KIF15: variants seen among roughly 807,000 people sequenced by gnomAD.
KIF15 encodes the protein kinesin-like protein KIF15.
A neutral mutation model predicts 190.6 loss-of-function variants in KIF15; 140 were observed. That is an observed-to-expected ratio of 0.73 (90% CI 0.64 to 0.84). KIF15 has a LOEUF of 0.84. Among genes scored for constraint, KIF15 ranks in the 40% least tolerant of loss-of-function variants. The probability of loss-of-function intolerance (pLI) is 0.00; values close to 1 mark genes in which losing one functional copy is unlikely to be tolerated. For missense variants in KIF15, 1,372 were observed against 1,584.4 expected, an observed-to-expected ratio of 0.87 and a Z score of 2.28; for synonymous variants, 528 against 551.3, an observed-to-expected ratio of 0.96 and a Z score of 0.59.
Position 44,794,276 on chromosome 3 carries a change from G to A in KIF15, c.699G>A (p.Ser233=), listed in dbSNP as rs200877926. ...RVASTSMNRE[S]SRSHAVFTIT... ...CATCAACATCAATGAACAGAGAATC[G>A]TCTAGGTCTCATGCCGTCTTTACAA... Residue 233 remains serine, a synonymous_variant, in exon 8 of 35, where the codon TCG becomes TCA. Transcript: ENST00000326047. The A allele has an allele frequency of 5.3e-5, 85 of 1,614,090 alleles. No individual in the cohort carries two copies. Among genetic ancestry groups the A allele is most frequent in the East Asian group, 1.6e-4 (7 of 44,876 alleles).
intron 26 of KIF15, among the ~76,000 whole-genome samples, chr3:44,836,290 A>C (rs1256152308): frequency 6.6e-6 from 1 of 152,144 alleles, no homozygotes; most frequent in Non-Finnish European, 1.5e-5. Context: ...TGGGAGGTGG[A>C]GGTTACAGTT....
intron 7 of KIF15, among the ~76,000 whole-genome samples, chr3:44,791,892 A>AT (rs375878737): frequency 6.6e-6 from 1 of 151,694 alleles, no homozygotes; most frequent in Non-Finnish European, 1.5e-5. Flanking sequence ...TAAATTTTGT[A>AT]TTTTTTAGTA....
intron 1 of KIF15, among the ~76,000 whole-genome samples, chr3:44,763,460 C>T (rs1266684537): frequency 6.6e-6 from 1 of 152,018 alleles, no homozygotes; most frequent in Non-Finnish European, 1.5e-5. Context: ...CGCCACCATG[C>T]CCAGCTAATT....
At chr3:44,845,460 C>A (rs1698803932) in intron 30 of KIF15, among the ~76,000 whole-genome samples, 2 of 151,808 alleles carry the variant, frequency 1.3e-5, no homozygotes, top group South Asian at 4.2e-4. Flanking sequence ...AACCAATCTT[C>A]AATCAATTTT....
chr3:44,832,127 A>G (rs1698102024), intron 26 of KIF15, among the ~76,000 whole-genome samples: 1 of 152,184 alleles, frequency 6.6e-6, no homozygotes, highest in South Asian at 2.1e-4. Flanking sequence ...GCCAGGGGAA[A>G]TTCTAAAGAC....
At position 44,812,269 on chromosome 3, in the gene KIF15, C is replaced by T; in HGVS notation, c.2257C>T (p.His753Tyr). Residue 753 changes from histidine (H) to tyrosine (Y), a missense_variant, in exon 18 of 35, where the codon CAT becomes TAT. Coordinates refer to ENST00000326047, the MANE Select transcript of KIF15 (RefSeq NM_020242.3). The stretch of plus-strand genomic sequence containing the variant: ...GCAGCATGTTGACAAACTGGAACAT[C>T]ATTCTACCCAAATGCAGGAGGTGAG... ...LQQHVDKLEH[H>Y]STQMQELFSS... The T allele has an allele frequency of 4.3e-6, 7 of 1,613,706 alleles. No individual in the cohort carries two copies. Among genetic ancestry groups the T allele is most frequent in the Non-Finnish European group, 5.1e-6 (6 of 1,179,684 alleles).
chr3:44,826,026 T>G lies in KIF15; in HGVS notation c.2550-13T>G. On this transcript the variant is annotated splice_polypyrimidine_tract_variant and intron_variant, in intron 20 of 34. Coordinates refer to ENST00000326047, the MANE Select transcript of KIF15 (RefSeq NM_020242.3). Reference sequence around the variant, plus strand: ...TGTTTATTTACCATTTTTAAAATGTTTTCCTTATAAAGGTTAGAAAACGAA... The same window carrying G: ...TGTTTATTTACCATTTTTAAAATGTGTTCCTTATAAAGGTTAGAAAACGAA... 6.4e-7 allele frequency: 1 copy of G among 1,570,896 alleles called. No homozygotes were observed.
chr3:44,789,642 T>TTATATATATA (rs56009369), intron 7 of KIF15, among the ~76,000 whole-genome samples: 267 of 113,434 alleles, frequency 2.4e-3, no homozygotes, highest in Non-Finnish European at 3.6e-3. Flanking sequence ...TTGTCTAATT[T>TTATATATATA]TATATATATA....
At chr3:44,784,729 G>A in intron 5 of KIF15, 116 bp from the exon 6 acceptor site, 1 of 637,938 alleles carries the variant, frequency 1.6e-6, no homozygotes, top group Non-Finnish European at 2.7e-6. Context: ...AACTTGCTTG[G>A]AGCACAAGTA....
At chr3:44,797,501 A>C (rs765197486) in intron 8 of KIF15, 50 bp from the exon 9 acceptor site, 4 of 1,591,720 alleles carry the variant, frequency 2.5e-6, no homozygotes, top group Non-Finnish European at 3.4e-6. Context: ...CAAAATACCA[A>C]AGAGTAACCA....
chr3:44,857,354 A>C (rs1699199496), downstream of KIF15, among the ~76,000 whole-genome samples: 1 of 152,260 alleles, frequency 6.6e-6, no homozygotes, highest in African/African-American at 2.4e-5. Context: ...TGTGATTTTT[A>C]GGGCCTCTAA....
chr3:44,813,122 T>G lies in KIF15; in HGVS notation c.2325T>G (p.Leu775=), dbSNP rs76971569. The G allele has an allele frequency of 7.8e-3, 12,409 of 1,597,534 alleles. 89 individuals are homozygous for G. The highest frequency in any genetic ancestry group is 0.03 in the Middle Eastern group (181 of 6,030). Residue 775 remains leucine, a synonymous_variant, in exon 19 of 35, where the codon CTT becomes CTG. Transcript: ENST00000326047. Reference sequence around the variant, plus strand: ...ATTGGACCAAACAGCAGGAAGAGCTTCTCTCACAGTTGAATGTCCTTGAAA... The same window carrying G: ...ATTGGACCAAACAGCAGGAAGAGCTGCTCTCACAGTTGAATGTCCTTGAAA... The part of the protein sequence containing the change: ...RIDWTKQQEE[L]LSQLNVLEKQ...
At chr3:44,769,305 G>A (rs1376848519) in intron 1 of KIF15, among the ~76,000 whole-genome samples, 2 of 152,194 alleles carry the variant, frequency 1.3e-5, no homozygotes, top group African/African-American at 4.8e-5. Flanking sequence ...AGAAAGAGGG[G>A]AGCAGGTGTC....
Position 44,852,722 on chromosome 3 carries a change from G to T in KIF15, c.4154G>T (p.Arg1385Ile), listed in dbSNP as rs774373814. Residue 1385 changes from arginine (R) to isoleucine (I), a missense_variant, in exon 35 of 35, where the codon AGA (arginine) becomes ATA (isoleucine). Physicochemically the swap from Arg to Ile is moderately conservative, Grantham distance 97. Transcript: ENST00000326047. ...AENVFLKEKK[R>I]SES is the part of the protein sequence containing the mutation. ...AATGTATTTTTAAAAGAAAAGAAAA[G>T]AAGTGAATCTTGAGGATTCCGGTCA... is the stretch of plus-strand genomic sequence containing the variant. 6.2e-7 allele frequency: 1 copy of T among 1,600,692 alleles called. No individual in the cohort carries two copies. The highest frequency in any genetic ancestry group is 1.4e-5 in the African/African-American group (1 of 74,016).
intron 26 of KIF15, among the ~76,000 whole-genome samples, chr3:44,832,497 T>G (rs572974574): frequency 2.6e-5 from 4 of 151,956 alleles, no homozygotes; most frequent in Non-Finnish European, 4.4e-5. Flanking sequence ...GCAGTCAGAG[T>G]GGGCACCAAG....
rs1213108216 is a variant in KIF15 at position 44,827,602 on chromosome 3, A to G, written c.2856+74A>G. On this transcript the variant is annotated intron_variant, in intron 23 of 34. Coordinates refer to ENST00000326047, the MANE Select transcript of KIF15 (RefSeq NM_020242.3). ...ATTCCTGATACCTAAAAGGCTTATT[A>G]TAATGATTTCAGCTTGCAGATGTTG... 2.4e-5 allele frequency: 20 copies of G among 850,346 alleles called. No homozygotes were observed. In the East Asian group the frequency reaches 5.4e-4, roughly 23 times the overall value. The allele number at this position is 850,346 out of a possible 1,614,324, so 52.7% of individuals were successfully genotyped here. A position where few individuals can be genotyped will look rare whatever the true frequency, so the allele number is the denominator to read the frequency against.
chr3:44,786,277 T>C (rs1336384896), intron 6 of KIF15, 118 bp from the exon 7 acceptor site: 7 of 752,974 alleles, frequency 9.3e-6, no homozygotes, highest in Non-Finnish European at 1.5e-5. Context: ...TATATTGTAT[T>C]AAAGGATAAT....
chr3:44,865,478 A>C, intron 6 of KIF15: 1 of 367,020 alleles, frequency 2.7e-6, no homozygotes, highest in South Asian at 5.5e-5. Context: ...TGTGTATGGT[A>C]CTTGAAACCA....
chr3:44,836,299 T>C (rs1698317430), intron 26 of KIF15, among the ~76,000 whole-genome samples: 1 of 152,012 alleles, frequency 6.6e-6, no homozygotes, highest in South Asian at 2.1e-4. Context: ...GAGGTTACAG[T>C]TAGATGAGAT....
Sources: gnomAD v4.1 joint callset for allele counts (sites outside exome capture counted in the v4.1 genomes callset) on GRCh38, gnomAD v4.1.1 for gene constraint, MANE v1.5 for transcripts, NCBI Gene and HGNC (gene_info 2026-07-23, HGNC 2026-07-21) for gene names.